The following TCF7L2 variants were observed in gnomAD, a reference collection of about 807,000 sequenced individuals.
TCF7L2 encodes the protein transcription factor 7 like 2, also known as transcription factor 7-like 2.
TCF7L2 carries 23 observed loss-of-function variants against 77.9 expected under a neutral mutation model. The observed-to-expected ratio is 0.30, with a 90% CI of 0.21 to 0.42. The LOEUF (loss-of-function observed/expected upper bound fraction) is 0.42. TCF7L2 is among the 10% of genes least tolerant of loss of function. The pLI is 1.00. For synonymous variants in TCF7L2, 413 were observed against 340.2 expected (o/e 1.21, Z -2.36); for missense variants, 654 against 793.1 (o/e 0.82, Z 2.11).
At chr10:113,031,879 A>C (rs1406260827) in intron 4 of TCF7L2, among the ~76,000 whole-genome samples, 2 of 152,200 alleles carry the variant, frequency 1.3e-5, no homozygotes, top group Non-Finnish European at 2.9e-5. Context: ...GGGCCTCAGA[A>C]TATCTAGTCC....
chr10:113,161,666 C>T, intron 13 of TCF7L2: 1 of 1,517,362 alleles, frequency 6.6e-7, no homozygotes, highest in Non-Finnish European at 8.9e-7. Context: ...TCACGTGTCC[C>T]TCCCCTTCAT....
At chr10:113,137,134 G>A (rs569785926) in intron 5 of TCF7L2, among the ~76,000 whole-genome samples, 17 of 151,660 alleles carry the variant, frequency 1.1e-4, no homozygotes, top group Admixed American at 2.6e-4. Context: ...ATTAAATACC[G>A]CATTTTGAAG....
At chr10:113,069,855 A>T (rs922861001) in intron 5 of TCF7L2, among the ~76,000 whole-genome samples, 3 of 152,130 alleles carry the variant, frequency 2.0e-5, no homozygotes, top group Non-Finnish European at 4.4e-5. Context: ...ATTCAAGAAT[A>T]CTAGTGGCAA....
At chr10:113,020,398 T>G (rs1181182265) in intron 4 of TCF7L2, among the ~76,000 whole-genome samples, 1 of 152,162 alleles carries the variant, frequency 6.6e-6, no homozygotes, top group African/African-American at 2.4e-5. Flanking sequence ...TCCAGCTGTG[T>G]GGTCCTTCTT....
chr10:113,165,607 C>A lies in TCF7L2; in HGVS notation c.1444C>A (p.Pro482Thr), dbSNP rs1391167475. 1.2e-6 allele frequency: 2 copies of A among 1,614,078 alleles called. No individual in the cohort carries two copies. The highest frequency in any genetic ancestry group is 8.5e-7 in the Non-Finnish European group (1 of 1,180,000). The stretch of plus-strand genomic sequence containing the variant: ...ACAAGGTGAAGGCAGCTGCCTCAGC[C>A]CACCCTCTTCAGATGGAAGCTTACT... Residue 482 changes from proline to threonine, a missense_variant, in exon 14 of 14, where the codon CCA becomes ACA. Physicochemically the swap from Pro to Thr is conservative, Grantham distance 38. Coordinates refer to ENST00000627217, the MANE Select transcript of TCF7L2 (RefSeq NM_001146274.2).
chr10:112,994,413 CT>C (rs936877857), intron 4 of TCF7L2, among the ~76,000 whole-genome samples: 3 of 152,142 alleles, frequency 2.0e-5, no homozygotes, highest in Admixed American at 2.0e-4. Flanking sequence ...TATGTCATTC[CT>C]TTTTATGGCC....
chr10:113,068,292 T>A (rs193270190), intron 5 of TCF7L2, among the ~76,000 whole-genome samples: 13 of 152,350 alleles, frequency 8.5e-5, no homozygotes, highest in Admixed American at 3.9e-4. Flanking sequence ...CTGGAGCCGC[T>A]GCCGTCTCTA....
chr10:112,966,735 G>T (rs1006879856), intron 4 of TCF7L2, among the ~76,000 whole-genome samples: 1 of 152,172 alleles, frequency 6.6e-6, no homozygotes, highest in Admixed American at 6.5e-5. Flanking sequence ...CGAGCAGTTC[G>T]TCTTTCTCCA....
chr10:113,063,507 G>C (rs1479979482), intron 5 of TCF7L2, among the ~76,000 whole-genome samples: 1 of 152,156 alleles, frequency 6.6e-6, no homozygotes, highest in African/African-American at 2.4e-5. Flanking sequence ...GAGGGAAGAT[G>C]AGAGTGAGGG....
At chr10:113,141,034 T>TG in intron 5 of TCF7L2, 150 bp from the exon 6 acceptor site, 3 of 888,248 alleles carry the variant, frequency 3.4e-6, no homozygotes, top group South Asian at 3.4e-5. Flanking sequence ...TCACATGGAC[T>TG]GGGGGGAGTA....
intron 5 of TCF7L2, among the ~76,000 whole-genome samples, chr10:113,080,703 T>C (rs2059236809): frequency 6.6e-6 from 1 of 152,232 alleles, no homozygotes; most frequent in African/African-American, 2.4e-5. Context: ...GTGTTTATGG[T>C]GTCTCTTAAC....
intron 4 of TCF7L2, among the ~76,000 whole-genome samples, chr10:113,018,898 C>A (rs1268284146): frequency 6.6e-6 from 1 of 152,112 alleles, no homozygotes; most frequent in African/African-American, 2.4e-5. Flanking sequence ...CTGGGAGGAA[C>A]AGGGCCTGGC....
At chr10:113,108,964 A>G (rs1281762763) in intron 5 of TCF7L2, among the ~76,000 whole-genome samples, 1 of 152,240 alleles carries the variant, frequency 6.6e-6, no homozygotes, top group Non-Finnish European at 1.5e-5. Context: ...ATCAGAAGGC[A>G]GATAGGCTAT....
intron 5 of TCF7L2, among the ~76,000 whole-genome samples, chr10:113,123,539 A>G (rs2065114244): frequency 6.6e-6 from 1 of 152,226 alleles, no homozygotes; most frequent in Non-Finnish European, 1.5e-5. Context: ...ATATCTGCAT[A>G]AGGACTATTG....
rs2074035000 is a variant in TCF7L2 at position 113,166,244 on chromosome 10, AT to A, written c.*273del. 1 of 290,232 alleles carries A rather than the reference AT, an allele frequency of 3.4e-6. No individual in the cohort carries two copies. The highest frequency in any genetic ancestry group is 1.6e-4 in the South Asian group (1 of 6,232). 18.0% of individuals were successfully genotyped at this position (290,232 alleles called of 1,614,324 possible). A position where few individuals can be genotyped will look rare whatever the true frequency, so the allele number is the denominator to read the frequency against. ...TTAAAGTCTTTGTAGCGTTTAAAAA[AT>A]ATATATATATACATAACTGTTATGT... On this transcript the variant is annotated 3_prime_UTR_variant, in exon 14 of 14. Transcript: ENST00000627217.
intron 5 of TCF7L2, among the ~76,000 whole-genome samples, chr10:113,114,098 T>C (rs774899639): frequency 2.6e-5 from 4 of 152,198 alleles, no homozygotes; most frequent in East Asian, 1.9e-4. Flanking sequence ...CCTGGTAACA[T>C]CTTATTTACT....
intron 5 of TCF7L2, among the ~76,000 whole-genome samples, chr10:113,084,993 C>T (rs539724964): frequency 6.6e-6 from 1 of 151,974 alleles, no homozygotes; most frequent in East Asian, 1.9e-4. Flanking sequence ...AAGCTGTTGC[C>T]TTTTTCTTCT....
chr10:113,098,435 G>A (rs1008014072), intron 5 of TCF7L2, among the ~76,000 whole-genome samples: 2 of 152,094 alleles, frequency 1.3e-5, no homozygotes, highest in African/African-American at 2.4e-5. Flanking sequence ...GGCCGGGCTC[G>A]GTGGCTCACG....
chr10:113,107,751 C>CAAAAAA (rs2062551301), intron 5 of TCF7L2, among the ~76,000 whole-genome samples: 2 of 16,168 alleles, frequency 1.2e-4, no homozygotes, highest in African/African-American at 2.2e-4. Context: ...GAGACTCCGT[C>CAAAAAA]TAAAAAAAAA....
Sources: allele counts gnomAD v4.1 joint callset (sites outside exome capture counted in the v4.1 genomes callset), GRCh38; gene constraint gnomAD v4.1.1; transcripts MANE v1.5; gene names NCBI Gene and HGNC (gene_info 2026-07-23, HGNC 2026-07-21).